Variants in TNNI3K observed in about 807,000 individuals in gnomAD.
TNNI3K encodes the protein serine/threonine-protein kinase TNNI3K.
In TNNI3K, 140 loss-of-function variants were observed where a neutral mutation model predicts 114.5. That is an observed-to-expected ratio of 1.22 (90% CI 1.07 to 1.41). The LOEUF (loss-of-function observed/expected upper bound fraction) is 1.41. Among genes scored for constraint, TNNI3K ranks in the 40% most tolerant of loss-of-function variants. The pLI is 0.00. For synonymous variants in TNNI3K, 347 were observed against 347.5 expected, an observed-to-expected ratio of 1.00 and a Z score of 0.02; for missense variants, 1,125 against 1,007.6, an observed-to-expected ratio of 1.12 and a Z score of -1.58.
intron 19 of TNNI3K, chr1:74,439,230 A>G (rs1666267557): frequency 3.0e-6 from 1 of 334,222 alleles, no homozygotes; most frequent in Non-Finnish European, 5.3e-6. Context: ...GTGATGTTTT[A>G]GGAAGAATTA....
intron 17 of TNNI3K, chr1:74,374,457 GT>G (rs1395076717): frequency 3.3e-5 from 5 of 151,870 alleles, no homozygotes; most frequent in Non-Finnish European, 7.4e-5. Context: ...ATCTTCTACT[GT>G]AACAACAACA....
At chr1:74,320,178 A>C (rs542528572) in intron 5 of TNNI3K, among the ~76,000 whole-genome samples, 9 of 152,204 alleles carry the variant, frequency 5.9e-5, no homozygotes, top group African/African-American at 2.2e-4. Flanking sequence ...AATATAACCA[A>C]CGGAATGGTT....
chr1:74,418,021 T>C (rs1243331515), intron 17 of TNNI3K: 2 of 245,324 alleles, frequency 8.2e-6, no homozygotes, highest in Non-Finnish European at 1.7e-5. Context: ...TTGGGGCACA[T>C]TGCATCCAGC....
chr1:74,348,290 C>A (rs1005842992), intron 9 of TNNI3K, among the ~76,000 whole-genome samples: 88 of 152,258 alleles, frequency 5.8e-4, no homozygotes, highest in Non-Finnish European at 1.1e-3. Flanking sequence ...TCAGGTTTGT[C>A]AAAGATCAGA....
intron 23 of TNNI3K, among the ~76,000 whole-genome samples, chr1:74,499,394 G>A (rs1669494185): frequency 6.6e-6 from 1 of 152,230 alleles, no homozygotes; most frequent in Admixed American, 6.5e-5. Context: ...GCTTCCTAAA[G>A]TGCTGAGATT....
chr1:74,525,288 T>C (rs1318024944), intron 23 of TNNI3K, among the ~76,000 whole-genome samples: 3 of 152,218 alleles, frequency 2.0e-5, no homozygotes, highest in Non-Finnish European at 4.4e-5. Flanking sequence ...TTTGCGTGTA[T>C]ACCATCTCAT....
At chr1:74,523,345 G>T (rs1189795119) in intron 23 of TNNI3K, among the ~76,000 whole-genome samples, 1 of 152,004 alleles carries the variant, frequency 6.6e-6, no homozygotes, top group African/African-American at 2.4e-5. Flanking sequence ...CATGATATTT[G>T]TGTTTTTCTA....
chr1:74,236,006 A>G (rs1653833907), intron 1 of TNNI3K, 96 bp from the exon 2 acceptor site: 1 of 813,126 alleles, frequency 1.2e-6, no homozygotes, highest in African/African-American at 1.8e-5. Context: ...TAGAATCTAG[A>G]ATAAAAAACA....
chr1:74,440,729 C>G (rs1056235250), intron 20 of TNNI3K, among the ~76,000 whole-genome samples: 11 of 152,088 alleles, frequency 7.2e-5, no homozygotes, highest in Admixed American at 2.6e-4. Flanking sequence ...TTAAATTAGA[C>G]TTAGCCCTTA....
At chr1:74,498,504 C>T (rs987115883) in intron 23 of TNNI3K, among the ~76,000 whole-genome samples, 3 of 152,100 alleles carry the variant, frequency 2.0e-5, no homozygotes, top group Non-Finnish European at 4.4e-5. Context: ...TACAATATCT[C>T]ATTTATTATT....
At chr1:74,539,754 T>C (rs1294174095) in intron 23 of TNNI3K, among the ~76,000 whole-genome samples, 2 of 151,966 alleles carry the variant, frequency 1.3e-5, no homozygotes, top group African/African-American at 4.8e-5. Context: ...ATATTATATG[T>C]AAAGCGATAT....
chr1:74,332,691 C>G lies in TNNI3K; in HGVS notation c.543+1143C>G, dbSNP rs142805811. On this transcript the variant is annotated intron_variant, in intron 6 of 24. Transcript: ENST00000326637. ...GCGCTATTAATAATAAATAGAAGAG[C>G]TGGAATATGTACTCAGTTCTGTCTG... Among the ~76,000 whole-genome samples the G allele has an allele frequency of 2.9e-4, 44 of 152,160 alleles. No individual in the cohort carries two copies. In the Middle Eastern group the frequency reaches 0.01, roughly 35 times the overall value.
intron 15 of TNNI3K, 29 bp downstream of exon 15, chr1:74,369,293 T>A (rs1158276962): frequency 6.2e-7 from 1 of 1,610,948 alleles, no homozygotes; most frequent in Middle Eastern, 1.7e-4. Flanking sequence ...AAATTTAACA[T>A]CCAGGTGGAA....
intron 23 of TNNI3K, among the ~76,000 whole-genome samples, chr1:74,511,319 A>C (rs1236575685): frequency 6.6e-6 from 1 of 151,998 alleles, no homozygotes; most frequent in Non-Finnish European, 1.5e-5. Flanking sequence ...CAGGCTCCCG[A>C]GTAGCTGGGA....
At chr1:74,355,916 A>G (rs1035885717) in intron 11 of TNNI3K, among the ~76,000 whole-genome samples, 14 of 152,164 alleles carry the variant, frequency 9.2e-5, no homozygotes, top group African/African-American at 3.1e-4. Context: ...ATACAAACAT[A>G]TATATACCTT....
chr1:74,344,169 A>G (rs1417279148), intron 9 of TNNI3K, among the ~76,000 whole-genome samples: 1 of 152,222 alleles, frequency 6.6e-6, no homozygotes, highest in Non-Finnish European at 1.5e-5. Context: ...GTCAAATTTC[A>G]CATACATTTC....
chr1:74,367,920 T>A lies in TNNI3K; in HGVS notation c.1277T>A (p.Val426Glu), dbSNP rs1267417097. 7 of 1,577,674 alleles carry A rather than the reference T, an allele frequency of 4.4e-6. No individual in the cohort carries two copies. Among genetic ancestry groups the A allele is most frequent in the African/African-American group, 1.4e-5 (1 of 72,052 alleles). ...YSQPGGDGSY[V>E]SVPSPLGKIK... ...ATTTAATTTCTAGATGGCTCCTATG[T>A]GTCTGTTCCATCACCCTTGGGGAAG... Residue 426 changes from valine to glutamate, a missense_variant, in exon 13 of 25, where the codon GTG (valine) becomes GAG (glutamate). By Grantham distance (121) the Val-to-Glu change is moderately radical (BLOSUM62 -2). Transcript: ENST00000326637.
At chr1:74,483,482 G>A (rs1668601975) in intron 21 of TNNI3K, 13 of 566,948 alleles carry the variant, frequency 2.3e-5, no homozygotes, top group Non-Finnish European at 4.2e-5. Flanking sequence ...ACTGTTCAAT[G>A]AGCATCTTGG....
chr1:74,514,287 A>G (rs751385241), intron 23 of TNNI3K, among the ~76,000 whole-genome samples: 7 of 151,516 alleles, frequency 4.6e-5, no homozygotes, highest in Non-Finnish European at 8.8e-5. Context: ...ACACAATTCT[A>G]TGTATTTGTC....
Sources: gnomAD v4.1 joint callset for allele counts (sites outside exome capture counted in the v4.1 genomes callset) on GRCh38, gnomAD v4.1.1 for gene constraint, MANE v1.5 for transcripts, NCBI Gene and HGNC (gene_info 2026-07-23, HGNC 2026-07-21) for gene names.